DLG2: variants seen among roughly 807,000 people sequenced by gnomAD.
The protein encoded by DLG2 is discs large MAGUK scaffold protein 2.
DLG2 carries 45 observed loss-of-function variants against 132.5 expected under a neutral mutation model. That is an observed-to-expected ratio of 0.34 (90% CI 0.27 to 0.44). The LOEUF is 0.44. Ranked by LOEUF, DLG2 falls within the 20% of genes least tolerant of loss-of-function variation. DLG2 has a pLI of 1.00. For synonymous variants in DLG2, 424 were observed against 419.6 expected (o/e 1.01, Z -0.13); for missense variants, 1,045 against 1,196.9 (o/e 0.87, Z 1.87).
chr11:83,905,637 A>G (rs1419216222), intron 15 of DLG2, among the ~76,000 whole-genome samples: 1 of 152,140 alleles, frequency 6.6e-6, no homozygotes, highest in Non-Finnish European at 1.5e-5. Flanking sequence ...TTGCTTACAT[A>G]TATGTTTTAT....
chr11:84,003,624 T>A (rs1392860285), intron 11 of DLG2, among the ~76,000 whole-genome samples: 1 of 152,104 alleles, frequency 6.6e-6, no homozygotes, highest in Non-Finnish European at 1.5e-5. Context: ...CATGAGGACT[T>A]ACTATCACAA....
intron 7 of DLG2, among the ~76,000 whole-genome samples, chr11:84,362,075 A>G (rs1279547297): frequency 1.3e-5 from 2 of 151,994 alleles, no homozygotes; most frequent in Non-Finnish European, 2.9e-5. Context: ...TAAGTAGTCT[A>G]AACTCTTCAA....
chr11:85,089,123 ATTTT>A (rs200146393), intron 6 of DLG2, among the ~76,000 whole-genome samples: 3 of 150,038 alleles, frequency 2.0e-5, no homozygotes, highest in African/African-American at 7.3e-5. Context: ...TAAACTTCTA[ATTTT>A]TTTTTTCAAT....
chr11:83,594,078 A>G (rs2097242336), intron 19 of DLG2, among the ~76,000 whole-genome samples: 1 of 152,248 alleles, frequency 6.6e-6, no homozygotes, highest in Non-Finnish European at 1.5e-5. Context: ...TGGGAAAGAG[A>G]CAATTATGGC....
intron 5 of DLG2, among the ~76,000 whole-genome samples, chr11:85,140,077 C>T (rs1056338080): frequency 2.6e-5 from 4 of 152,010 alleles, no homozygotes; most frequent in African/African-American, 4.8e-5. Flanking sequence ...CTGACAAACA[C>T]TTATTTCCCC....
intron 6 of DLG2, among the ~76,000 whole-genome samples, chr11:85,014,746 C>A (rs2059428852): frequency 1.3e-5 from 2 of 152,180 alleles, no homozygotes. Flanking sequence ...CTTTGGTACA[C>A]CCCAAACCTG....
At chr11:84,251,641 CT>C (rs148681429) in intron 7 of DLG2, among the ~76,000 whole-genome samples, 5 of 140,160 alleles carry the variant, frequency 3.6e-5, no homozygotes, top group African/African-American at 7.9e-5. Context: ...TCTTTTCTTT[CT>C]TTTTTTTTTT....
chr11:84,240,833 A>G (rs1163153733), intron 8 of DLG2, among the ~76,000 whole-genome samples: 1 of 152,230 alleles, frequency 6.6e-6, no homozygotes, highest in African/African-American at 2.4e-5. Flanking sequence ...GATAAAAATT[A>G]AGACCTAGAA....
At chr11:84,099,397 A>C (rs1047998360) in intron 9 of DLG2, among the ~76,000 whole-genome samples, 1 of 152,168 alleles carries the variant, frequency 6.6e-6, no homozygotes, top group African/African-American at 2.4e-5. Context: ...TTATACATTT[A>C]TATGAAAGAG....
At chr11:84,352,414 C>T (rs529168691) in intron 7 of DLG2, among the ~76,000 whole-genome samples, 1 of 152,014 alleles carries the variant, frequency 6.6e-6, no homozygotes, top group African/African-American at 2.4e-5. Context: ...AAGAGGGGAA[C>T]GATAGAAAGA....
In DLG2 at chr11:84,759,802, A is replaced by G. The variant is rs565924487; in HGVS notation, c.358-225071T>C. Reference sequence around the variant, plus strand: ...AAGAAGTGATCTTTTTTTTTTCCTTATAAGTTCAGAAAAGACAATAATTAT... The same window carrying G: ...AAGAAGTGATCTTTTTTTTTTCCTTGTAAGTTCAGAAAAGACAATAATTAT... On this transcript the variant is annotated intron_variant, in intron 6 of 27. Coordinates refer to ENST00000376104, the MANE Select transcript of DLG2 (RefSeq NM_001142699.3). Among the ~76,000 whole-genome samples, 14 of 151,558 alleles carry G rather than the reference A, an allele frequency of 9.2e-5. No homozygotes were observed. In the East Asian group the frequency reaches 9.7e-4, roughly 10 times the overall value.
At chr11:85,333,745 T>A (rs1565337853) in intron 3 of DLG2, among the ~76,000 whole-genome samples, 1 of 152,210 alleles carries the variant, frequency 6.6e-6, no homozygotes, top group Non-Finnish European at 1.5e-5. Flanking sequence ...GATTTCCATA[T>A]GTTGAACCAA....
chr11:84,322,096 C>T (rs1380381993), intron 7 of DLG2, among the ~76,000 whole-genome samples: 7 of 152,126 alleles, frequency 4.6e-5, no homozygotes, highest in Non-Finnish European at 1.0e-4. Flanking sequence ...GAACTCAGCA[C>T]AAAGTGTTTA....
At chr11:83,636,065 G>A (rs1732960759) in intron 18 of DLG2, among the ~76,000 whole-genome samples, 1 of 152,078 alleles carries the variant, frequency 6.6e-6, no homozygotes, top group African/African-American at 2.4e-5. Flanking sequence ...TCTCCCATCT[G>A]GAGAGATGGG....
intron 5 of DLG2, among the ~76,000 whole-genome samples, chr11:85,132,227 T>C (rs1413465871): frequency 6.6e-6 from 1 of 152,176 alleles, no homozygotes; most frequent in African/African-American, 2.4e-5. Context: ...AAATATTAAA[T>C]ATTGTGTTTG....
At chr11:84,855,451 G>A (rs1033363372) in intron 6 of DLG2, among the ~76,000 whole-genome samples, 1 of 152,056 alleles carries the variant, frequency 6.6e-6, no homozygotes, top group East Asian at 1.9e-4. Flanking sequence ...AATGTAGCTA[G>A]AGAGTAAAAT....
chr11:84,470,946 A>C (rs1026985657), intron 7 of DLG2, among the ~76,000 whole-genome samples: 5 of 151,888 alleles, frequency 3.3e-5, no homozygotes, highest in African/African-American at 4.8e-5. Flanking sequence ...GCACTAAGAC[A>C]GACAGGGAAA....
intron 17 of DLG2, chr11:83,790,431 C>T (rs544588957): frequency 9.2e-7 from 1 of 1,090,078 alleles, no homozygotes; most frequent in East Asian, 2.4e-5. Flanking sequence ...CAGTACCATC[C>T]TTGTTTTGCA....
intron 15 of DLG2, among the ~76,000 whole-genome samples, chr11:83,892,950 T>C (rs936269149): frequency 1.3e-5 from 2 of 152,224 alleles, no homozygotes; most frequent in African/African-American, 4.8e-5. Flanking sequence ...TATTTGGTCA[T>C]TCCAGTTCAT....
Sources: gnomAD v4.1 joint callset for allele counts (sites outside exome capture counted in the v4.1 genomes callset) on GRCh38, gnomAD v4.1.1 for gene constraint, MANE v1.5 for transcripts, NCBI Gene and HGNC (gene_info 2026-07-23, HGNC 2026-07-21) for gene names.